The following CASP1 variants were observed in gnomAD, a reference collection of about 807,000 sequenced individuals.
The protein encoded by CASP1 is caspase-1.
Under a neutral mutation model 41.2 loss-of-function variants are expected in CASP1, and 31 were observed. That is an observed-to-expected ratio of 0.75 (90% CI 0.57 to 1.02). The LOEUF (loss-of-function observed/expected upper bound fraction) is 1.02. Among genes scored for constraint, CASP1 ranks in the 50% least tolerant of loss-of-function variants. CASP1 has a pLI of 0.00. For missense variants in CASP1, 490 were observed against 495.7 expected (o/e 0.99, Z 0.11); for synonymous variants, 163 against 166.5 (o/e 0.98, Z 0.16).
At position 105,026,748 on chromosome 11, in the gene CASP1, G is replaced by A; in HGVS notation, c.1116+94C>T. 3 of 755,506 alleles carry A rather than the reference G, an allele frequency of 4.0e-6. No homozygotes were observed. In the Admixed American group the frequency reaches 6.0e-5, roughly 15 times the overall value. 46.8% of individuals were successfully genotyped at this position (755,506 alleles called of 1,614,324 possible). A position where few individuals can be genotyped will look rare whatever the true frequency, so the allele number is the denominator to read the frequency against. Reference sequence around the variant, plus strand: ...TTTGGAAAGAAGAGCATTATTGGAAGATAAACTTGTCTGGATCTGCTTTCT... The same window carrying A: ...TTTGGAAAGAAGAGCATTATTGGAAAATAAACTTGTCTGGATCTGCTTTCT... On this transcript the variant is annotated intron_variant, in intron 8 of 8. Coordinates refer to ENST00000533400, the MANE Select transcript of CASP1 (RefSeq NM_001257118.3).
rs1380136895 is a variant in CASP1, at chr11:105,026,941, A to G, written c.1017T>C (p.Ser339=). ...CAGAGCCCATTGTGGGATGTCTCCA[A>G]GAAACATTATCTATGGATAAAGCAC... ...AFCSSTPDNV[S]WRHPTMGSVF... is the part of the protein sequence containing the mutation. The change falls in exon 8 of 9, where the codon TCT becomes TCC. Residue 339 remains serine, a synonymous_variant. Transcript: ENST00000533400. 3 of 1,570,340 alleles carry G rather than the reference A, an allele frequency of 1.9e-6. No homozygotes were observed. The highest frequency in any genetic ancestry group is 1.1e-5 in the South Asian group (1 of 90,216).
chr11:105,030,541 T>C, intron 4 of CASP1, 38 bp from the exon 5 acceptor site: 2 of 1,568,510 alleles, frequency 1.3e-6, no homozygotes, highest in African/African-American at 2.7e-5. Context: ...GCCTTGTTCT[T>C]TCCAATTAAA....
chr11:105,035,148 C>T (rs755743530), upstream of CASP1: 1 of 1,613,838 alleles, frequency 6.2e-7, no homozygotes, highest in East Asian at 2.2e-5. Flanking sequence ...GTGACTGAAA[C>T]TGAAAGTATG....
At chr11:105,034,732 G>A (rs576919029) in intron 1 of CASP1, 7 of 637,724 alleles carry the variant, frequency 1.1e-5, no homozygotes, top group African/African-American at 9.2e-5. Context: ...CTCTTATGTC[G>A]CATGTTTATT....
Position 105,025,913 on chromosome 11 carries a change from G to T in CASP1, c.*345C>A. 4.4e-6 allele frequency: 1 copy of T among 225,412 alleles called. No homozygotes were observed. Among genetic ancestry groups the T allele is most frequent in the Non-Finnish European group, 8.9e-6 (1 of 112,396 alleles). The allele number at this position is 225,412 out of a possible 1,614,324, so 14.0% of individuals were successfully genotyped here. A position where few individuals can be genotyped will look rare whatever the true frequency, so the allele number is the denominator to read the frequency against. ...ATTACTTCAGTATTTTCTGTATATGGCTTGATTATCCCTTATCCAAAATGC... is the reference window on the plus strand; with the variant it reads ...ATTACTTCAGTATTTTCTGTATATGTCTTGATTATCCCTTATCCAAAATGC... On this transcript the variant is annotated 3_prime_UTR_variant, in exon 9 of 9. Coordinates refer to ENST00000533400, the MANE Select transcript of CASP1 (RefSeq NM_001257118.3).
intron 2 of CASP1, 40 bp downstream of exon 2, chr11:105,034,168 A>T: frequency 6.2e-7 from 1 of 1,613,298 alleles, no homozygotes; most frequent in Non-Finnish European, 8.5e-7. Context: ...GCACGAAGAC[A>T]GGCCCTAGGT....
chr11:105,027,767 ATCG>A (rs1273817548), intron 7 of CASP1, among the ~76,000 whole-genome samples: 8 of 152,272 alleles, frequency 5.3e-5, no homozygotes, highest in African/African-American at 1.9e-4. Context: ...AGTGAAAGAT[ATCG>A]TGGAGACAGA....
Position 105,033,127 on chromosome 11 carries a change from C to A in CASP1, c.275-1G>T. ...TTAAGGTAATTTCCAGATGTTTGAT[C>A]TATGAAAAGATAAAGGGTATTGAAG... On this transcript the variant is annotated splice_acceptor_variant, in intron 2 of 8. Coordinates refer to ENST00000533400, the MANE Select transcript of CASP1 (RefSeq NM_001257118.3). LOFTEE classifies it high-confidence loss of function. 1 of 1,560,286 alleles carries A rather than the reference C, an allele frequency of 6.4e-7. No homozygotes were observed. The highest frequency in any genetic ancestry group is 8.8e-7 in the Non-Finnish European group (1 of 1,134,264).
At chr11:105,026,398 G>GTT (rs3216159) in intron 8 of CASP1, 42 bp from the exon 9 acceptor site, 101 of 1,154,790 alleles carry the variant, frequency 8.7e-5, no homozygotes, top group Non-Finnish European at 1.0e-4. Flanking sequence ...TTTTTGCTGA[G>GTT]TTTTTTTTTT....
intron 3 of CASP1, 42 bp downstream of exon 3, chr11:105,033,022 G>A: frequency 1.3e-5 from 16 of 1,198,420 alleles, no homozygotes; most frequent in Non-Finnish European, 2.0e-5. Flanking sequence ...TGTCAAGGAA[G>A]ATGTGGGTCA....
At chr11:105,032,547 T>C (rs1219595856) in intron 3 of CASP1, among the ~76,000 whole-genome samples, 1 of 152,206 alleles carries the variant, frequency 6.6e-6, no homozygotes, top group African/African-American at 2.4e-5. Context: ...TTTAATAAAA[T>C]AATAGAAGTA....
chr11:105,029,116 C>T lies in CASP1; in HGVS notation c.1006+8G>A. 1 of 1,611,414 alleles carries T rather than the reference C, an allele frequency of 6.2e-7. No individual in the cohort carries two copies. The highest frequency in any genetic ancestry group is 2.2e-5 in the East Asian group (1 of 44,804). On this transcript the variant is annotated splice_region_variant and intron_variant, in intron 7 of 8. Coordinates refer to ENST00000533400, the MANE Select transcript of CASP1 (RefSeq NM_001257118.3). ...CCAACAAAGATGTCCTGTGTAGAAACCTGTTACCTGGTGTGGAAGAGCAGA... is the reference window on the plus strand; with the variant it reads ...CCAACAAAGATGTCCTGTGTAGAAATCTGTTACCTGGTGTGGAAGAGCAGA...
intron 1 of CASP1, 122 bp downstream of exon 1, chr11:105,034,985 C>T (rs188332258): frequency 3.9e-6 from 5 of 1,280,446 alleles, no homozygotes; most frequent in Admixed American, 1.7e-5. Context: ...CCCTCTCCCC[C>T]CTTTTCCTTG....
At chr11:105,026,528 C>T (rs17103544) in intron 8 of CASP1, 172 bp from the exon 9 acceptor site, 2 of 604,436 alleles carry the variant, frequency 3.3e-6, no homozygotes, top group Non-Finnish European at 5.9e-6. Flanking sequence ...CATTGAATGA[C>T]CCTCCTCAGG....
chr11:105,031,478 C>T (rs1369531154), intron 3 of CASP1, among the ~76,000 whole-genome samples, 198 bp from the exon 4 acceptor site: 1 of 152,146 alleles, frequency 6.6e-6, no homozygotes, highest in African/African-American at 2.4e-5. Context: ...TCCAGGTATG[C>T]ATTACAAGTA....
intron 7 of CASP1, chr11:105,027,247 G>T: frequency 1.7e-6 from 1 of 574,420 alleles, no homozygotes; most frequent in Non-Finnish European, 3.1e-6. Context: ...AGAGGTATCT[G>T]AGGTCACGCA....
intron 7 of CASP1, 45 bp downstream of exon 7, chr11:105,029,079 C>G: frequency 6.3e-7 from 1 of 1,575,590 alleles, no homozygotes; most frequent in Non-Finnish European, 8.6e-7. Flanking sequence ...GTCACTTTTT[C>G]TATTGATAGC....
Position 105,029,116 on chromosome 11 carries a change from C to G in CASP1, c.1006+8G>C, listed in dbSNP as rs932621741. The stretch of plus-strand genomic sequence containing the variant: ...CCAACAAAGATGTCCTGTGTAGAAA[C>G]CTGTTACCTGGTGTGGAAGAGCAGA... On this transcript the variant is annotated splice_region_variant and intron_variant, in intron 7 of 8. Coordinates refer to ENST00000533400, the MANE Select transcript of CASP1 (RefSeq NM_001257118.3). 3 of 1,611,298 alleles carry G rather than the reference C, an allele frequency of 1.9e-6. No individual in the cohort carries two copies. Among genetic ancestry groups the G allele is most frequent in the Admixed American group, 1.7e-5 (1 of 59,634 alleles).
At chr11:105,033,312 G>C (rs1442090477) in intron 2 of CASP1, among the ~76,000 whole-genome samples, 186 bp from the exon 3 acceptor site, 1 of 152,180 alleles carries the variant, frequency 6.6e-6, no homozygotes, top group Non-Finnish European at 1.5e-5. Flanking sequence ...AGAGGCATTG[G>C]TAGAAAAATA....
Sources: allele counts gnomAD v4.1 joint callset (sites outside exome capture counted in the v4.1 genomes callset), GRCh38; gene constraint gnomAD v4.1.1; transcripts MANE v1.5; gene names NCBI Gene and HGNC (gene_info 2026-07-23, HGNC 2026-07-21).